Variants in HCRTR2 observed in about 807,000 individuals in gnomAD.
HCRTR2 encodes the protein hypocretin receptor 2.
HCRTR2 carries 22 observed loss-of-function variants against 49.0 expected under a neutral mutation model. The ratio of observed to expected loss-of-function variants is 0.45; its 90% confidence interval spans 0.32 to 0.64. The LOEUF (loss-of-function observed/expected upper bound fraction) is 0.64, where lower values mean the gene tolerates loss of function less well. Ranked by LOEUF, HCRTR2 falls within the 30% of genes least tolerant of loss-of-function variation. The probability of loss-of-function intolerance (pLI) is 0.04; values close to 1 mark genes in which losing one functional copy is unlikely to be tolerated. For synonymous variants in HCRTR2, 236 were observed against 205.3 expected, an observed-to-expected ratio of 1.15 and a Z score of -1.28; for missense variants, 491 against 559.4, an observed-to-expected ratio of 0.88 and a Z score of 1.23.
rs1767213815 is a variant in HCRTR2, at chr6:55,282,541, G to A, written c.*87G>A. ...CAGAAATTTTATTATCCTATGATGT[G>A]AAGCTAAAATTACTTGTGGATCTTT... On this transcript the variant is annotated 3_prime_UTR_variant, in exon 7 of 7. Coordinates refer to ENST00000370862, the MANE Select transcript of HCRTR2 (RefSeq NM_001384272.1). The A allele has an allele frequency of 9.4e-6, 7 of 747,506 alleles. No individual in the cohort carries two copies. The highest frequency in any genetic ancestry group is 8.8e-5 in the Admixed American group (4 of 45,496). 46.3% of individuals were successfully genotyped at this position (747,506 alleles called of 1,614,324 possible). A position where few individuals can be genotyped will look rare whatever the true frequency, so the allele number is the denominator to read the frequency against.
chr6:55,200,874 A>G (rs1490220620), intron 1 of HCRTR2, among the ~76,000 whole-genome samples: 2 of 152,106 alleles, frequency 1.3e-5, no homozygotes, highest in East Asian at 3.9e-4. Flanking sequence ...ATTTATTTCA[A>G]TATTCAATTA....
chr6:55,161,497 G>GGA (rs1208930003), intron 1 of HCRTR2, among the ~76,000 whole-genome samples: 3 of 151,948 alleles, frequency 2.0e-5, no homozygotes, highest in Admixed American at 1.3e-4. Context: ...GCAGAACTAA[G>GGA]GAGAGAGAGA....
chr6:55,114,702 G>A (rs1764093410), intron 1 of HCRTR2, among the ~76,000 whole-genome samples: 1 of 151,874 alleles, frequency 6.6e-6, no homozygotes, highest in South Asian at 2.1e-4. Flanking sequence ...CAGATGATGA[G>A]TATAAAGTGC....
At chr6:55,221,566 C>T (rs1765893198) in intron 1 of HCRTR2, among the ~76,000 whole-genome samples, 3 of 152,296 alleles carry the variant, frequency 2.0e-5, no homozygotes, top group South Asian at 4.1e-4. Context: ...GTAATCCCAG[C>T]ACTTTGGGAG....
intron 1 of HCRTR2, among the ~76,000 whole-genome samples, chr6:55,238,845 T>C (rs1422402925): frequency 1.3e-5 from 2 of 152,146 alleles, no homozygotes; most frequent in African/African-American, 4.8e-5. Context: ...AGAAAAGCAT[T>C]TCTACAGAAA....
intron 4 of HCRTR2, among the ~76,000 whole-genome samples, chr6:55,265,666 T>A (rs1482922800): frequency 6.6e-6 from 1 of 151,988 alleles, no homozygotes; most frequent in East Asian, 1.9e-4. Flanking sequence ...CACAGGGTAA[T>A]GGGGAGCTTC....
chr6:55,239,655 G>A (rs1766283336), intron 1 of HCRTR2, among the ~76,000 whole-genome samples: 1 of 152,062 alleles, frequency 6.6e-6, no homozygotes, highest in African/African-American at 2.4e-5. Context: ...TTAACATAAT[G>A]AGCAAGTGGC....
chr6:55,224,496 G>T (rs576853542), intron 1 of HCRTR2, among the ~76,000 whole-genome samples: 1 of 151,932 alleles, frequency 6.6e-6, no homozygotes, highest in South Asian at 2.1e-4. Flanking sequence ...GGTGGTGGGC[G>T]CCTGTAGTCC....
At chr6:55,195,824 C>T (rs764345853) in intron 1 of HCRTR2, among the ~76,000 whole-genome samples, 10 of 151,786 alleles carry the variant, frequency 6.6e-5, no homozygotes, top group Non-Finnish European at 1.3e-4. Flanking sequence ...AAAAATTAGC[C>T]GGGTGTGGTG....
chr6:55,235,261 G>T (rs1766192999), intron 1 of HCRTR2, among the ~76,000 whole-genome samples: 1 of 151,938 alleles, frequency 6.6e-6, no homozygotes, highest in Non-Finnish European at 1.5e-5. Flanking sequence ...TAGTTACAAG[G>T]GTATGTACAC....
intron 1 of HCRTR2, among the ~76,000 whole-genome samples, chr6:55,226,272 T>C (rs1313442814): frequency 6.6e-6 from 1 of 152,222 alleles, no homozygotes; most frequent in African/African-American, 2.4e-5. Context: ...TCTGAAGTGC[T>C]TCCTATTTGT....
At chr6:55,119,842 T>C (rs1430497024) in intron 1 of HCRTR2, among the ~76,000 whole-genome samples, 1 of 151,938 alleles carries the variant, frequency 6.6e-6, no homozygotes, top group Non-Finnish European at 1.5e-5. Context: ...TGAAGTCTTT[T>C]CCCATGCCTA....
In HCRTR2 at chr6:55,134,205, T is replaced by G. The variant is rs116465006; in HGVS notation, c.-378+27660T>G. On this transcript the variant is annotated intron_variant, in intron 1 of 7. Coordinates refer to the HCRTR2 transcript ENST00000615358. Reference sequence around the variant, plus strand: ...CCTTTTAAGTTGAGGAGACTGATTATTCTGTTTTTGTTTGTTTGTTTGTTT... The same window carrying G: ...CCTTTTAAGTTGAGGAGACTGATTAGTCTGTTTTTGTTTGTTTGTTTGTTT... Among the ~76,000 whole-genome samples the G allele has an allele frequency of 4.8e-3, 691 of 144,372 alleles. 7 individuals are homozygous for G. Among genetic ancestry groups the G allele is most frequent in the African/African-American group, 0.018 (672 of 37,178 alleles). The allele number at this position is 144,372 out of a possible 152,430, so 94.7% of individuals were successfully genotyped here.
At chr6:55,226,783 A>T (rs1194652058) in intron 1 of HCRTR2, among the ~76,000 whole-genome samples, 4 of 124,802 alleles carry the variant, frequency 3.2e-5, no homozygotes, top group Non-Finnish European at 6.3e-5. Flanking sequence ...CAGTGGTGAG[A>T]TCTCGGCTCA....
chr6:55,174,444 G>C, upstream of HCRTR2: 1 of 751,692 alleles, frequency 1.3e-6, no homozygotes, highest in Non-Finnish European at 2.4e-6. Context: ...CGGAGGCATT[G>C]GCTCAGTAAC....
intron 1 of HCRTR2, among the ~76,000 whole-genome samples, chr6:55,126,199 C>T (rs1271618386): frequency 6.6e-6 from 1 of 152,082 alleles, no homozygotes; most frequent in Non-Finnish European, 1.5e-5. Flanking sequence ...AAGAGGTGCT[C>T]TGGTTTTTGG....
intron 1 of HCRTR2, among the ~76,000 whole-genome samples, chr6:55,234,997 G>T (rs1766187816): frequency 6.6e-6 from 1 of 152,274 alleles, no homozygotes; most frequent in Admixed American, 6.5e-5. Context: ...ACACTGGAAT[G>T]AAAATGATGG....
intron 1 of HCRTR2, among the ~76,000 whole-genome samples, chr6:55,193,863 C>T (rs1765363594): frequency 6.6e-6 from 1 of 151,932 alleles, no homozygotes; most frequent in South Asian, 2.1e-4. Context: ...TTTCTCTGAC[C>T]TTTCCTCTTC....
At chr6:55,261,432 C>G (rs992282591) in intron 3 of HCRTR2, among the ~76,000 whole-genome samples, 2 of 151,584 alleles carry the variant, frequency 1.3e-5, no homozygotes, top group Non-Finnish European at 2.9e-5. Context: ...TTTGATGGAG[C>G]CTCGCACTGT....
Sources: allele counts gnomAD v4.1 joint callset (sites outside exome capture counted in the v4.1 genomes callset), GRCh38; gene constraint gnomAD v4.1.1; transcripts MANE v1.5; gene names NCBI Gene and HGNC (gene_info 2026-07-23, HGNC 2026-07-21).